Variants in MAD1L1 observed in about 807,000 individuals in gnomAD.
MAD1L1 encodes the protein mitotic spindle assembly checkpoint protein MAD1.
A neutral mutation model predicts 96.9 loss-of-function variants in MAD1L1; 95 were observed. The ratio of observed to expected loss-of-function variants is 0.98; its 90% CI spans 0.83 to 1.16. The LOEUF (loss-of-function observed/expected upper bound fraction) is 1.16. Among genes scored for constraint, MAD1L1 ranks in the 50% most tolerant of loss-of-function variants. The pLI is 0.00. For synonymous variants in MAD1L1, 473 were observed against 396.6 expected (o/e 1.19, Z -2.29); for missense variants, 1,007 against 954.4 (o/e 1.06, Z -0.73).
intron 18 of MAD1L1, among the ~76,000 whole-genome samples, chr7:1,843,837 C>T (rs1204340169): frequency 3.3e-5 from 5 of 152,222 alleles, no homozygotes; most frequent in Non-Finnish European, 2.9e-5. Context: ...CTGAAACGAG[C>T]GTGAGCTCCG....
At chr7:1,893,164 C>G (rs903812492) in intron 18 of MAD1L1, among the ~76,000 whole-genome samples, 2 of 152,164 alleles carry the variant, frequency 1.3e-5, no homozygotes, top group African/African-American at 4.8e-5. Flanking sequence ...CTGGGAAGAG[C>G]TGGAGCTGAG....
chr7:2,052,662 A>G (rs1307579680), intron 12 of MAD1L1, among the ~76,000 whole-genome samples: 2 of 152,202 alleles, frequency 1.3e-5, no homozygotes, highest in African/African-American at 4.8e-5. Context: ...TATCCTTTTT[A>G]AACAAATATG....
chr7:1,890,524 C>T (rs1562495124), intron 18 of MAD1L1, among the ~76,000 whole-genome samples: 1 of 152,230 alleles, frequency 6.6e-6, no homozygotes, highest in African/African-American at 2.4e-5. Context: ...AACTTAGCAG[C>T]CACCAGAATT....
At chr7:2,053,111 T>C (rs1257715965) in intron 12 of MAD1L1, among the ~76,000 whole-genome samples, 1 of 152,258 alleles carries the variant, frequency 6.6e-6, no homozygotes, top group African/African-American at 2.4e-5. Flanking sequence ...GCTACACGTC[T>C]TGCGACTTTG....
chr7:2,127,054 G>A lies in MAD1L1; in HGVS notation c.1073+22098C>T, dbSNP rs562262107. ...GTTCCCAGGGAAGAACAGAGCAGAC[G>A]CGGGTGGGATGAAGACATCTGAACA... On this transcript the variant is annotated intron_variant, in intron 11 of 18. Transcript: ENST00000265854. Among the ~76,000 whole-genome samples the A allele has an allele frequency of 3.9e-5, 6 of 152,314 alleles. No homozygotes were observed. The East Asian group carries it at 5.8e-4, about 15-fold the overall frequency.
At chr7:1,965,459 C>T (rs1780124937) in intron 15 of MAD1L1, among the ~76,000 whole-genome samples, 1 of 152,220 alleles carries the variant, frequency 6.6e-6, no homozygotes, top group Admixed American at 6.5e-5. Flanking sequence ...GCTCTTCTCT[C>T]GCATCCCCTG....
intron 18 of MAD1L1, among the ~76,000 whole-genome samples, chr7:1,842,948 G>A (rs1783360892): frequency 6.6e-6 from 1 of 152,258 alleles, no homozygotes; most frequent in Non-Finnish European, 1.5e-5. Context: ...TGAGTCCGAG[G>A]CCGGGCTCCA....
chr7:1,932,422 C>T (rs955489081), intron 17 of MAD1L1, among the ~76,000 whole-genome samples: 9 of 152,340 alleles, frequency 5.9e-5, no homozygotes, highest in Admixed American at 2.6e-4. Flanking sequence ...TCCTGAGAGA[C>T]GGTGCGGGGC....
intron 18 of MAD1L1, among the ~76,000 whole-genome samples, chr7:1,850,868 G>T (rs6974035): frequency 0.091 from 13,879 of 152,232 alleles, 985 homozygotes; most frequent in African/African-American, 0.2. Flanking sequence ...GATGGGGAGT[G>T]GGGAGGGCAC....
At chr7:1,898,168 A>G in intron 18 of MAD1L1, 32 bp downstream of exon 18, 1 of 1,570,848 alleles carries the variant, frequency 6.4e-7, no homozygotes, top group Non-Finnish European at 8.6e-7. Context: ...AGAGAGCGAG[A>G]CAGCCGGAGA....
intron 12 of MAD1L1, among the ~76,000 whole-genome samples, chr7:2,026,874 C>G (rs771605402): frequency 2.6e-5 from 4 of 151,966 alleles, no homozygotes; most frequent in Admixed American, 6.6e-5. Flanking sequence ...GTTAGAATAA[C>G]ATCAAATTAG....
At chr7:2,008,895 G>C (rs944062870) in intron 13 of MAD1L1, among the ~76,000 whole-genome samples, 7 of 152,236 alleles carry the variant, frequency 4.6e-5, no homozygotes, top group Non-Finnish European at 1.0e-4. Flanking sequence ...CCCCAGGAGA[G>C]GCCAAGCCCA....
chr7:1,930,894 G>T (rs1244143096), intron 17 of MAD1L1, among the ~76,000 whole-genome samples: 1 of 152,182 alleles, frequency 6.6e-6, no homozygotes, highest in Non-Finnish European at 1.5e-5. Context: ...CCTAACCCAT[G>T]CTCAGGGCCA....
chr7:2,077,296 A>G (rs1425938249), intron 11 of MAD1L1, among the ~76,000 whole-genome samples: 1 of 152,248 alleles, frequency 6.6e-6, no homozygotes, highest in African/African-American at 2.4e-5. Context: ...CTTTATTCTT[A>G]GCTATCTGAG....
chr7:2,038,084 T>C (rs1293007577), intron 12 of MAD1L1, among the ~76,000 whole-genome samples: 1 of 152,200 alleles, frequency 6.6e-6, no homozygotes, highest in African/African-American at 2.4e-5. Context: ...AACTGTCTTA[T>C]TGCTGATACG....
chr7:1,980,102 G>A lies in MAD1L1; in HGVS notation c.1505+351C>T, dbSNP rs117775947. Among the ~76,000 whole-genome samples, 139 of 152,326 alleles carry A rather than the reference G, an allele frequency of 9.1e-4. 2 individuals carry two copies. Among genetic ancestry groups the A allele is most frequent in the Non-Finnish European group, 6.2e-4 (42 of 68,016 alleles). ...CGGGGGAGCACACAGAGAAGGTCAC[G>A]GCCTGGAGAGGGGGACAGGAGGCTG... On this transcript the variant is annotated intron_variant, in intron 15 of 18. Transcript: ENST00000265854.
At chr7:1,884,191 G>A (rs889035260) in intron 18 of MAD1L1, among the ~76,000 whole-genome samples, 3 of 152,222 alleles carry the variant, frequency 2.0e-5, no homozygotes, top group Admixed American at 6.5e-5. Flanking sequence ...AGGCATGCAC[G>A]GTGTTTGGTG....
intron 10 of MAD1L1, among the ~76,000 whole-genome samples, chr7:2,203,861 C>T (rs1165313112): frequency 6.6e-6 from 1 of 152,192 alleles, no homozygotes; most frequent in Admixed American, 6.5e-5. Context: ...CCCTGCTGCC[C>T]ACCTCCGGGG....
At chr7:2,126,132 C>T (rs949343774) in intron 11 of MAD1L1, among the ~76,000 whole-genome samples, 2 of 152,296 alleles carry the variant, frequency 1.3e-5, no homozygotes, top group Admixed American at 6.5e-5. Flanking sequence ...TCCTGTGAAG[C>T]GAGGGATGGC....
Sources: gnomAD v4.1 joint callset for allele counts (sites outside exome capture counted in the v4.1 genomes callset) on GRCh38, gnomAD v4.1.1 for gene constraint, MANE v1.5 for transcripts, NCBI Gene and HGNC (gene_info 2026-07-23, HGNC 2026-07-21) for gene names.